Variants in UNC80 observed in about 807,000 individuals in gnomAD.
UNC80 encodes unc-80 subunit of NALCN channel complex, also known as protein unc-80 homolog.
In UNC80, 164 loss-of-function variants were observed where a neutral mutation model predicts 384.6. The ratio of observed to expected loss-of-function variants is 0.43; its 90% confidence interval spans 0.38 to 0.49. UNC80 has a LOEUF of 0.49. Ranked by LOEUF, UNC80 falls within the 20% of genes least tolerant of loss-of-function variation. The pLI is 0.00. For synonymous variants in UNC80, 1,486 were observed against 1,527.8 expected, an observed-to-expected ratio of 0.97 and a Z score of 0.64; for missense variants, 3,330 against 4,143.0, an observed-to-expected ratio of 0.80 and a Z score of 5.39.
chr2:209,833,443 T>C (rs2081136106), intron 16 of UNC80, among the ~76,000 whole-genome samples: 1 of 152,230 alleles, frequency 6.6e-6, no homozygotes, highest in Non-Finnish European at 1.5e-5. Flanking sequence ...CTTCAGTTTG[T>C]AGTCGAGTTC....
At chr2:209,946,477 T>C (rs1204499475) in intron 47 of UNC80, among the ~76,000 whole-genome samples, 1 of 152,134 alleles carries the variant, frequency 6.6e-6, no homozygotes, top group East Asian at 1.9e-4. Context: ...TCATTTGAAA[T>C]CCCTTAATTT....
intron 7 of UNC80, among the ~76,000 whole-genome samples, chr2:209,802,555 T>A (rs1451980060): frequency 6.6e-6 from 1 of 152,200 alleles, no homozygotes. Flanking sequence ...TAAGCAATGA[T>A]CAATTTAGTG....
chr2:209,876,095 G>T (rs2084758800), intron 23 of UNC80, among the ~76,000 whole-genome samples: 1 of 152,104 alleles, frequency 6.6e-6, no homozygotes, highest in Non-Finnish European at 1.5e-5. Context: ...AGTCTCTTTA[G>T]CCAGTTAATG....
At position 209,881,034 on chromosome 2, in the gene UNC80, T is replaced by C. The variant is rs2085242107; in HGVS notation, c.4050T>C (p.Ile1350=). 2 of 1,551,862 alleles carry C rather than the reference T, an allele frequency of 1.3e-6. No individual in the cohort carries two copies. The highest frequency in any genetic ancestry group is 1.7e-6 in the Non-Finnish European group (2 of 1,147,044). Residue 1350 remains isoleucine, a synonymous_variant, in exon 25 of 65, where the codon ATT becomes ATC. Coordinates refer to ENST00000673920, the MANE Select transcript of UNC80 (RefSeq NM_001371986.1). ...CAGCATGTCAGCTTCTTCTGGAGATTACCACCTTCCTGCGAGAGACCTTTT... is the reference window on the plus strand; with the variant it reads ...CAGCATGTCAGCTTCTTCTGGAGATCACCACCTTCCTGCGAGAGACCTTTT... ...KMAACQLLLE[I]TTFLRETFSC...
intron 22 of UNC80, among the ~76,000 whole-genome samples, chr2:209,866,533 C>CAT (rs1307214321): frequency 2.0e-4 from 21 of 104,134 alleles, no homozygotes; most frequent in South Asian, 6.4e-4. Context: ...CACACACACA[C>CAT]AGAGAGAGAG....
chr2:209,926,191 C>T (rs147921386), intron 35 of UNC80, among the ~76,000 whole-genome samples: 16 of 152,222 alleles, frequency 1.1e-4, no homozygotes, highest in Non-Finnish European at 2.4e-4. Flanking sequence ...CTCACACACT[C>T]ACATGCACAC....
chr2:209,814,482 G>A (rs751622032), intron 8 of UNC80, among the ~76,000 whole-genome samples: 5 of 152,172 alleles, frequency 3.3e-5, no homozygotes, highest in East Asian at 1.9e-4. Flanking sequence ...TCCTGACCTC[G>A]TGATCCACCT....
rs931977706 is a variant in UNC80, at chr2:209,817,972, T to A, written c.1693+20T>A. ...AGGAAGGTGGGTAGGAGGTGGGGCCTACGGGCAGGAGTTCAGAGTTCTTTT... is the reference window on the plus strand; with the variant it reads ...AGGAAGGTGGGTAGGAGGTGGGGCCAACGGGCAGGAGTTCAGAGTTCTTTT... On this transcript the variant is annotated intron_variant, in intron 11 of 64. Coordinates refer to ENST00000673920, the MANE Select transcript of UNC80 (RefSeq NM_001371986.1). The A allele has an allele frequency of 6.4e-6, 10 of 1,551,174 alleles. No individual in the cohort carries two copies. In the African/African-American group the frequency reaches 1.1e-4, roughly 17 times the overall value.
At chr2:209,952,137 A>G (rs111661445) in intron 47 of UNC80, among the ~76,000 whole-genome samples, 3,404 of 152,272 alleles carry the variant, frequency 0.022, 92 homozygotes, top group South Asian at 0.14. Context: ...TCTGTGTCTG[A>G]TAACTTTAGT....
At chr2:209,871,125 T>G (rs1362039790) in intron 22 of UNC80, among the ~76,000 whole-genome samples, 2 of 152,182 alleles carry the variant, frequency 1.3e-5, no homozygotes, top group Non-Finnish European at 2.9e-5. Flanking sequence ...ATGATATGTT[T>G]ATATATTTAT....
At chr2:209,806,802 A>T (rs2078929732) in intron 7 of UNC80, among the ~76,000 whole-genome samples, 1 of 152,224 alleles carries the variant, frequency 6.6e-6, no homozygotes, top group South Asian at 2.1e-4. Flanking sequence ...TTTTTAAATT[A>T]ATGTTAGATT....
At chr2:209,986,516 GT>G (rs1221356351) in intron 61 of UNC80, among the ~76,000 whole-genome samples, 3 of 152,184 alleles carry the variant, frequency 2.0e-5, no homozygotes, top group Admixed American at 6.5e-5. Flanking sequence ...TATACACAAA[GT>G]TTTTGGTAGG....
intron 53 of UNC80, 124 bp downstream of exon 53, chr2:209,970,015 T>C: frequency 8.1e-7 from 1 of 1,237,852 alleles, no homozygotes; most frequent in South Asian, 1.5e-5. Flanking sequence ...AACAGACGGC[T>C]CAGGTGACAC....
intron 59 of UNC80, among the ~76,000 whole-genome samples, chr2:209,979,894 G>T (rs2093117073): frequency 2.0e-5 from 3 of 152,174 alleles, no homozygotes; most frequent in Non-Finnish European, 1.5e-5. Context: ...GAGAGTTGAG[G>T]TTAGAATTTT....
At position 209,813,583 on chromosome 2, in the gene UNC80, C is replaced by A. The variant is rs1034435243; in HGVS notation, c.942C>A (p.Ala314=). ...SQERGPSHSR[A]SLVIPPCQRS... is the part of the protein sequence containing the mutation. ...TCTTCTTTCTGCCATGGAACAGGGC[C>A]TCTCTTGTGATACCTCCGTGCCAAA... Residue 314 remains alanine (A), a synonymous_variant, in exon 8 of 65, where the codon GCC becomes GCA. Transcript: ENST00000673920. 1 of 1,550,864 alleles carries A rather than the reference C, an allele frequency of 6.4e-7. No individual in the cohort carries two copies.
chr2:209,979,596 G>T (rs535428206), intron 59 of UNC80, among the ~76,000 whole-genome samples: 2 of 152,324 alleles, frequency 1.3e-5, no homozygotes, highest in African/African-American at 4.8e-5. Flanking sequence ...TAGAGATTTG[G>T]TGTTATGACA....
In UNC80 at chr2:209,977,051, C is replaced by A; in HGVS notation, c.8911C>A (p.Leu2971Ile). ...TGAGTTCAACAGTGAACTAAAAATTCTAAAAGAGGCAGTTCATAGTGGATC... is the reference window on the plus strand; with the variant it reads ...TGAGTTCAACAGTGAACTAAAAATTATAAAAGAGGCAGTTCATAGTGGATC... ...IAEFNSELKI[L>I]KEAVHSGSAY... is the part of the protein sequence containing the mutation. Residue 2971 changes from leucine (L) to isoleucine (I), a missense_variant, in exon 58 of 65, where the codon CTA becomes ATA. Around this residue, in one of 8 missense-constraint regions of UNC80, gnomAD observed 216 missense variants for 245.3 expected, o/e 0.88. Transcript: ENST00000673920. 2.0e-6 allele frequency: 3 copies of A among 1,521,194 alleles called. No individual in the cohort carries two copies. Among genetic ancestry groups the A allele is most frequent in the African/African-American group, 1.4e-5 (1 of 72,706 alleles). The allele number at this position is 1,521,194 out of a possible 1,614,324, so 94.2% of individuals were successfully genotyped here. A position where few individuals can be genotyped will look rare whatever the true frequency, so the allele number is the denominator to read the frequency against.
At chr2:209,994,442 A>G (rs1398234232) in intron 64 of UNC80, among the ~76,000 whole-genome samples, 178 bp downstream of exon 64, 1 of 152,210 alleles carries the variant, frequency 6.6e-6, no homozygotes, top group Non-Finnish European at 1.5e-5. Flanking sequence ...ATAGCCAGGC[A>G]TATATCTGCT....
rs1322450443 is a variant in UNC80 at position 209,817,105 on chromosome 2, G to A, written c.1532G>A (p.Gly511Asp). 1.3e-6 allele frequency: 2 copies of A among 1,551,642 alleles called. No individual in the cohort carries two copies. Among genetic ancestry groups the A allele is most frequent in the Admixed American group, 3.9e-5 (2 of 50,996 alleles). The change falls in exon 10 of 65, where the codon GGC becomes GAC. Residue 511 changes from glycine to aspartate, a missense_variant. Physicochemically the swap from Gly to Asp is moderately conservative, Grantham distance 94. Coordinates refer to ENST00000673920, the MANE Select transcript of UNC80 (RefSeq NM_001371986.1). ...GACAGGCGAGGAATTGAGAAAGGAG[G>A]CTGGCAAACCACCATTTTAGGTGAC... Reference protein sequence around the residue: ...GEDRRGIEKGGWQTTILGKLT... With the variant: ...GEDRRGIEKGDWQTTILGKLT...
Sources: gnomAD v4.1 joint callset for allele counts (sites outside exome capture counted in the v4.1 genomes callset) on GRCh38, gnomAD v4.1.1 for gene constraint, gnomAD v4.1.1 regional missense constraint, MANE v1.5 for transcripts, NCBI Gene and HGNC (gene_info 2026-07-23, HGNC 2026-07-21) for gene names.